DZANK1: variants seen among roughly 807,000 people sequenced by gnomAD.
DZANK1 encodes double zinc ribbon and ankyrin repeat-containing protein 1.
DZANK1 carries 91 observed loss-of-function variants against 94.5 expected under a neutral mutation model. The observed-to-expected ratio is 0.96, with a 90% CI of 0.81 to 1.15. The LOEUF is 1.15. DZANK1 is among the 50% of genes most tolerant of loss of function. The pLI is 0.00. For synonymous variants in DZANK1, 312 were observed against 325.3 expected (o/e 0.96, Z 0.44); for missense variants, 903 against 916.4 (o/e 0.99, Z 0.19).
intron 4 of DZANK1, 125 bp downstream of exon 4, chr20:18,455,122 T>C (rs1034102422): frequency 1.5e-6 from 1 of 662,978 alleles, no homozygotes; most frequent in Non-Finnish European, 2.6e-6. Flanking sequence ...TGGTTGATAA[T>C]GACTTCAGTT....
At chr20:18,388,859 T>C (rs1217849516) in intron 19 of DZANK1, among the ~76,000 whole-genome samples, 1 of 152,186 alleles carries the variant, frequency 6.6e-6, no homozygotes, top group African/African-American at 2.4e-5. Context: ...AAACAGAGAA[T>C]AACAGAAGCA....
intron 13 of DZANK1, among the ~76,000 whole-genome samples, chr20:18,410,402 C>T (rs1165227599): frequency 1.3e-5 from 2 of 151,786 alleles, no homozygotes; most frequent in Non-Finnish European, 2.9e-5. Context: ...ATAGTAACCA[C>T]TAAGGAAATA....
chr20:18,464,685 T>C (rs1328331292), intron 2 of DZANK1, among the ~76,000 whole-genome samples: 2 of 143,770 alleles, frequency 1.4e-5, no homozygotes, highest in Non-Finnish European at 3.0e-5. Flanking sequence ...TTTTTTTTTT[T>C]TTTTTTTTGA....
chr20:18,454,667 G>A (rs2059221092), intron 4 of DZANK1: 1 of 154,760 alleles, frequency 6.5e-6, no homozygotes, highest in Non-Finnish European at 1.4e-5. Context: ...TATGCCCACT[G>A]AGGACTTCTA....
At chr20:18,461,136 G>A (rs1017950009) in intron 2 of DZANK1, among the ~76,000 whole-genome samples, 3 of 152,158 alleles carry the variant, frequency 2.0e-5, no homozygotes, top group Admixed American at 6.5e-5. Flanking sequence ...CCCAACCCAC[G>A]ACACCAGCTT....
chr20:18,456,083 A>G (rs967228608), intron 3 of DZANK1, among the ~76,000 whole-genome samples: 3 of 152,200 alleles, frequency 2.0e-5, no homozygotes, highest in African/African-American at 7.2e-5. Flanking sequence ...ATTTTTGAAG[A>G]CTATCTACCA....
rs540120198 is a variant in DZANK1 at position 18,384,387 on chromosome 20, G to A, written c.*12C>T. On this transcript the variant is annotated 3_prime_UTR_variant, in exon 21 of 21. Coordinates refer to ENST00000262547, the Ensembl canonical transcript of DZANK1. ...ACGTATTCTTAAATGAAGTCCCGTGGAGGCCTCAGGGCTAACAGTCATCCA... is the reference window on the plus strand; with the variant it reads ...ACGTATTCTTAAATGAAGTCCCGTGAAGGCCTCAGGGCTAACAGTCATCCA... The A allele has an allele frequency of 5.6e-6, 9 of 1,604,782 alleles. No homozygotes were observed. In the South Asian group the frequency reaches 9.0e-5, roughly 16 times the overall value.
At chr20:18,445,575 A>T (rs1033235119) in intron 7 of DZANK1, among the ~76,000 whole-genome samples, 3 of 152,182 alleles carry the variant, frequency 2.0e-5, no homozygotes, top group Non-Finnish European at 4.4e-5. Context: ...ATCAAATCAT[A>T]TATCTTTTCT....
chr20:18,420,992 G>T, intron 10 of DZANK1: 1 of 169,474 alleles, frequency 5.9e-6, no homozygotes, highest in South Asian at 1.6e-4. Context: ...TTGTCCACAT[G>T]AATGCAATAG....
intron 16 of DZANK1, 72 bp downstream of exon 16, chr20:18,394,182 T>C (rs2056189287): frequency 7.5e-7 from 1 of 1,327,840 alleles, no homozygotes; most frequent in South Asian, 1.3e-5. Flanking sequence ...TCTTAGCAGT[T>C]CTCTGCTATA....
At chr20:18,405,991 A>G (rs528700825) in intron 13 of DZANK1, among the ~76,000 whole-genome samples, 1 of 152,314 alleles carries the variant, frequency 6.6e-6, no homozygotes, top group South Asian at 2.1e-4. Flanking sequence ...ACATGGAGGG[A>G]GCATTTGGAC....
intron 3 of DZANK1, among the ~76,000 whole-genome samples, 187 bp downstream of exon 3, chr20:18,459,966 C>T (rs1193012738): frequency 6.6e-6 from 1 of 152,142 alleles, no homozygotes; most frequent in Non-Finnish European, 1.5e-5. Context: ...ATGATTTCTG[C>T]ACCTTACGGT....
intron 8 of DZANK1, among the ~76,000 whole-genome samples, chr20:18,442,828 A>G (rs2058752538): frequency 7.2e-6 from 1 of 139,348 alleles, no homozygotes; most frequent in African/African-American, 2.6e-5. Flanking sequence ...TTTAATTTTT[A>G]GCAAGCCAAG....
Position 18,448,981 on chromosome 20 carries a change from T to G in DZANK1, c.629+3A>C. The G allele has an allele frequency of 2.5e-6, 4 of 1,610,924 alleles. No homozygotes were observed. Among genetic ancestry groups the G allele is most frequent in the Non-Finnish European group, 3.4e-6 (4 of 1,177,148 alleles). On this transcript the variant is annotated splice_donor_region_variant and intron_variant, in intron 7 of 20. Transcript: ENST00000262547. ...GGCAGAGTAAAGAGAATGTGATACT[T>G]ACTTGAGAAAGTCTGTCTCCCTTTG... is the stretch of plus-strand genomic sequence containing the variant.
At chr20:18,412,559 A>C (rs2148433662) in intron 13 of DZANK1, 87 bp downstream of exon 13, 3 of 1,342,320 alleles carry the variant, frequency 2.2e-6, no homozygotes, top group Non-Finnish European at 3.2e-6. Flanking sequence ...CATACAAATA[A>C]ATCTAAAAGG....
intron 13 of DZANK1, among the ~76,000 whole-genome samples, chr20:18,406,076 G>A (rs1252899069): frequency 6.6e-6 from 1 of 151,948 alleles, no homozygotes; most frequent in African/African-American, 2.4e-5. Context: ...GCCACTGGTG[G>A]CCGAGGTGCT....
chr20:18,410,276 G>A (rs1025586303), intron 13 of DZANK1, among the ~76,000 whole-genome samples: 1 of 152,072 alleles, frequency 6.6e-6, no homozygotes, highest in African/African-American at 2.4e-5. Flanking sequence ...AGAAAATAAT[G>A]CCACAAAAGT....
At chr20:18,398,523 C>A (rs1355057808) in exon 14 of DZANK1, 1 of 1,613,744 alleles carries the variant, frequency 6.2e-7, no homozygotes, top group Non-Finnish European at 8.5e-7. Flanking sequence ...TCTCACCCAC[C>A]TTTCCCATCC....
At chr20:18,389,716 T>C (rs1239159113) in exon 19 of DZANK1, 1 of 1,613,822 alleles carries the variant, frequency 6.2e-7, no homozygotes, top group Non-Finnish European at 8.5e-7. Flanking sequence ...CCACTGCTGG[T>C]CGATGTCTGC....
Sources: allele counts gnomAD v4.1 joint callset (sites outside exome capture counted in the v4.1 genomes callset), GRCh38; gene constraint gnomAD v4.1.1; transcripts MANE v1.5; gene names NCBI Gene and HGNC (gene_info 2026-07-23, HGNC 2026-07-21).